The following KIAA2012 variants were observed in gnomAD, a reference collection of about 807,000 sequenced individuals.
KIAA2012 encodes the protein KIAA2012.
In KIAA2012, 125 loss-of-function variants were observed where a neutral mutation model predicts 150.6. The ratio of observed to expected loss-of-function variants is 0.83; its 90% CI spans 0.72 to 0.96. The LOEUF (loss-of-function observed/expected upper bound fraction) is 0.96. Among genes scored for constraint, KIAA2012 ranks in the 40% least tolerant of loss-of-function variants. The pLI, the probability that KIAA2012 is intolerant of heterozygous loss-of-function variation, is 0.00. For synonymous variants in KIAA2012, 462 were observed against 504.7 expected (o/e 0.92, Z 1.13); for missense variants, 1,219 against 1,354.9 (o/e 0.90, Z 1.57).
chr2:202,135,663 G>GC (rs1691043230), intron 12 of KIAA2012: 1 of 152,214 alleles, frequency 6.6e-6, no homozygotes, highest in Admixed American at 6.5e-5. Context: ...TCCTGGTGTT[G>GC]CAAGAACTTT....
Position 202,197,031 on chromosome 2 carries a change from T to G in KIAA2012, c.3407+12T>G. 6.4e-7 allele frequency: 1 copy of G among 1,550,466 alleles called. No individual in the cohort carries two copies. The highest frequency in any genetic ancestry group is 2.4e-5 in the East Asian group (1 of 40,918). On this transcript the variant is annotated intron_variant, in intron 22 of 23. Coordinates refer to ENST00000498697, the MANE Select transcript of KIAA2012 (RefSeq NM_001277372.4). ...CAGGAACAAGCCAGGTACTGGATATTTGGGCAACAGTTGCCATAGGGGGAT... is the reference window on the plus strand; with the variant it reads ...CAGGAACAAGCCAGGTACTGGATATGTGGGCAACAGTTGCCATAGGGGGAT...
Position 202,090,847 on chromosome 2 carries a change from G to T in KIAA2012, c.447G>T (p.Gln149His), listed in dbSNP as rs969981707. Reference sequence around the variant, plus strand: ...AGAGCCAGGCCCAACGGCAGATCCAGCCAGGGCATTCAGCCAAGAGATACC... The same window carrying T: ...AGAGCCAGGCCCAACGGCAGATCCATCCAGGGCATTCAGCCAAGAGATACC... ...QLESQAQRQI[Q>H]PGHSAKRYLR... The change falls in exon 3 of 24, where the codon CAG (glutamine) becomes CAT (histidine). Residue 149 changes from glutamine to histidine, a missense_variant. Coordinates refer to ENST00000498697, the MANE Select transcript of KIAA2012 (RefSeq NM_001277372.4). The T allele has an allele frequency of 1.3e-6, 2 of 1,550,598 alleles. No homozygotes were observed. Among genetic ancestry groups the T allele is most frequent in the Non-Finnish European group, 1.7e-6 (2 of 1,146,980 alleles).
At chr2:202,203,915 C>G (rs1454146529) in intron 23 of KIAA2012, among the ~76,000 whole-genome samples, 1 of 151,764 alleles carries the variant, frequency 6.6e-6, no homozygotes, top group Non-Finnish European at 1.5e-5. Flanking sequence ...GACTACAGGC[C>G]CCCGCCACCA....
chr2:202,144,998 G>A (rs1045878297), intron 13 of KIAA2012, among the ~76,000 whole-genome samples: 2 of 152,124 alleles, frequency 1.3e-5, no homozygotes, highest in Middle Eastern at 3.2e-3. Flanking sequence ...TTATGATTTG[G>A]TTTTTCCTTC....
intron 14 of KIAA2012, among the ~76,000 whole-genome samples, chr2:202,164,770 A>C (rs767312560): frequency 6.6e-6 from 1 of 152,136 alleles, no homozygotes; most frequent in Non-Finnish European, 1.5e-5. Flanking sequence ...TCCTTCTGCT[A>C]GTTGGCCTCT....
rs1013286329 is a variant in KIAA2012, at chr2:202,186,579, C to T, written c.2211-354C>T. On this transcript the variant is annotated intron_variant, in intron 16 of 23. Transcript: ENST00000498697. ...AATGGATAGTTACATGTTCCTAACA[C>T]AATCTTTCTTAAAGGTCACTTTCTT... Among the ~76,000 whole-genome samples, 923 of 152,228 alleles carry T rather than the reference C, an allele frequency of 6.1e-3. 6 individuals are homozygous for T. The highest frequency in any genetic ancestry group is 0.021 in the African/African-American group (864 of 41,554).
At chr2:202,198,004 T>G (rs1692444356) in intron 22 of KIAA2012, 1 of 150,898 alleles carries the variant, frequency 6.6e-6, no homozygotes, top group Admixed American at 6.6e-5. Flanking sequence ...TGAAACCTCA[T>G]CTCTACTAAA....
chr2:202,105,739 C>T, intron 8 of KIAA2012, 22 bp from the exon 9 acceptor site: 1 of 1,547,188 alleles, frequency 6.5e-7, no homozygotes, highest in Non-Finnish European at 8.7e-7. Context: ...TGCTACAATT[C>T]AGCCTCCTCT....
chr2:202,169,055 C>T (rs1408083824), intron 15 of KIAA2012, among the ~76,000 whole-genome samples: 1 of 152,160 alleles, frequency 6.6e-6, no homozygotes, highest in African/African-American at 2.4e-5. Flanking sequence ...ATGGAAAAGT[C>T]TGAGCTGGCA....
At chr2:202,124,178 C>T (rs368826689) in intron 11 of KIAA2012, among the ~76,000 whole-genome samples, 226 of 152,096 alleles carry the variant, frequency 1.5e-3, no homozygotes, top group African/African-American at 5.2e-3. Flanking sequence ...GGTGACAGAG[C>T]GAAACTCTAT....
chr2:202,106,182 CT>C (rs1325191799), intron 9 of KIAA2012, among the ~76,000 whole-genome samples: 2 of 152,206 alleles, frequency 1.3e-5, no homozygotes, highest in Middle Eastern at 3.4e-3. Flanking sequence ...TACTTACCCC[CT>C]AACTCATCCC....
intron 12 of KIAA2012, among the ~76,000 whole-genome samples, chr2:202,132,646 GC>G: frequency 6.9e-6 from 1 of 145,588 alleles, no homozygotes; most frequent in East Asian, 2.1e-4. Context: ...TGCACTCCAG[GC>G]TGGGCGGCAG....
Position 202,196,817 on chromosome 2 carries a change from C to T in KIAA2012, c.3205C>T (p.Gln1069Ter). The T allele has an allele frequency of 1.3e-6, 2 of 1,550,400 alleles. No homozygotes were observed. The highest frequency in any genetic ancestry group is 1.7e-6 in the Non-Finnish European group (2 of 1,146,950). The change falls in exon 22 of 24, where the codon CAA becomes TAA. Residue 1069 changes from glutamine (Q) to a stop codon, truncating the protein, a stop_gained. Transcript: ENST00000498697. LOFTEE classifies it high-confidence loss of function. ...TTCTGCAGAGGCAGAGAAGCAAAGG[C>T]AAGAGGAATTGGAAATGCAGTTAGA... ...AERAEAEKQRQEELEMQLEEE... is the reference protein window; with the variant it reads ...AERAEAEKQR
intron 2 of KIAA2012, among the ~76,000 whole-genome samples, chr2:202,077,906 C>T (rs187024985): frequency 6.6e-6 from 1 of 152,324 alleles, no homozygotes; most frequent in East Asian, 1.9e-4. Context: ...ATGAAAACAA[C>T]AGCCTGGCAA....
At chr2:202,162,704 G>A (rs551685699) in intron 14 of KIAA2012, among the ~76,000 whole-genome samples, 25 of 151,572 alleles carry the variant, frequency 1.6e-4, no homozygotes, top group African/African-American at 4.8e-4. Context: ...ATGCCAAGGC[G>A]GGTGGATCAC....
chr2:202,109,696 A>T lies in KIAA2012; in HGVS notation c.1558A>T (p.Lys520Ter). ...IKGKKSPESQKGVDSPRTSDH... is the reference protein window; with the variant it reads ...IKGKKSPESQ ...AGGAAAAAAAAGTCCTGAGAGCCAG[A>T]AGGGCGTGGACAGCCCTAGGACATC... The change falls in exon 10 of 24, where the codon AAG becomes TAG. Residue 520 changes from lysine (K) to a stop codon, truncating the protein, a stop_gained. Transcript: ENST00000498697. LOFTEE classifies it high-confidence loss of function. The T allele has an allele frequency of 6.4e-7, 1 of 1,550,610 alleles. No homozygotes were observed. Among genetic ancestry groups the T allele is most frequent in the Non-Finnish European group, 8.7e-7 (1 of 1,146,966 alleles).
intron 11 of KIAA2012, among the ~76,000 whole-genome samples, chr2:202,117,287 T>C (rs1690551258): frequency 6.6e-6 from 1 of 152,194 alleles, no homozygotes; most frequent in Non-Finnish European, 1.5e-5. Flanking sequence ...GAAAGATGAG[T>C]CTAAGAATAT....
rs536782115 is a variant in KIAA2012 at position 202,143,104 on chromosome 2, A to C, written c.1908+4596A>C. Among the ~76,000 whole-genome samples, 97 of 130,050 alleles carry C rather than the reference A, an allele frequency of 7.5e-4. 2 individuals are homozygous for C. Among genetic ancestry groups the C allele is most frequent in the Admixed American group, 5.4e-3 (64 of 11,790 alleles). 85.3% of individuals were successfully genotyped at this position (130,050 alleles called of 152,430 possible). On this transcript the variant is annotated intron_variant, in intron 13 of 23. Transcript: ENST00000498697. ...TTTTTTTTTTTTTTTTTTCTTTTTG[A>C]GATAGAGTCTTGCTCTGTCACCCAG...
intron 14 of KIAA2012, among the ~76,000 whole-genome samples, chr2:202,155,018 C>T (rs547321660): frequency 2.6e-4 from 39 of 152,190 alleles, no homozygotes; most frequent in African/African-American, 8.9e-4. Flanking sequence ...ACAAATCAGT[C>T]GGGTGTCTGG....
Sources: gnomAD v4.1 joint callset for allele counts (sites outside exome capture counted in the v4.1 genomes callset) on GRCh38, gnomAD v4.1.1 for gene constraint, MANE v1.5 for transcripts, NCBI Gene and HGNC (gene_info 2026-07-23, HGNC 2026-07-21) for gene names.